The following STAG2 variants were observed in gnomAD, a reference collection of about 807,000 sequenced individuals.
STAG2 encodes cohesin subunit SA-2.
STAG2 carries 14 observed loss-of-function variants against 108.1 expected under a neutral mutation model. That is an observed-to-expected ratio of 0.13 (90% CI 0.09 to 0.20). The LOEUF is 0.20. STAG2 is among the 10% of genes least tolerant of loss of function. The probability of loss-of-function intolerance (pLI) is 1.00; values close to 1 mark genes in which losing one functional copy is unlikely to be tolerated. For synonymous variants in STAG2, 307 were observed against 302.7 expected (o/e 1.01, Z -0.15); for missense variants, 440 against 940.9 (o/e 0.47, Z 6.96).
intron 1 of STAG2, among the ~76,000 whole-genome samples, chrX:123,994,166 A>G (rs1189797867): frequency 2.7e-5 from 3 of 111,898 alleles, no homozygotes; most frequent in African/African-American, 9.8e-5. Flanking sequence ...GGGGAAGTGG[A>G]CACATTCAAA....
chrX:123,981,897 T>C (rs1232939678), intron 1 of STAG2, among the ~76,000 whole-genome samples: 1 of 111,681 alleles, frequency 9.0e-6, no homozygotes, highest in African/African-American at 3.3e-5. Flanking sequence ...GTATGTTTCA[T>C]ATAATTGTAA....
chrX:124,009,431 G>GA (rs1569501865), intron 1 of STAG2, among the ~76,000 whole-genome samples: 625 of 53,832 alleles, frequency 0.012, 5 homozygotes, highest in Middle Eastern at 0.02. Flanking sequence ...AGGTAGGTAG[G>GA]TAGGTAGGTA....
At chrX:124,074,870 G>C (rs746216253) in intron 25 of STAG2, among the ~76,000 whole-genome samples, 1 of 112,036 alleles carries the variant, frequency 8.9e-6, no homozygotes, top group African/African-American at 3.2e-5. Flanking sequence ...GAGGGAAAAT[G>C]TCTGTATGCG....
chrX:124,085,161 A>G (rs950353034), intron 29 of STAG2, among the ~76,000 whole-genome samples: 2 of 112,304 alleles, frequency 1.8e-5, no homozygotes, highest in African/African-American at 3.2e-5. Context: ...CATTGAGTAC[A>G]AACAGCAAAG....
At chrX:123,975,436 T>C (rs891145814) in intron 1 of STAG2, among the ~76,000 whole-genome samples, 16 of 111,954 alleles carry the variant, frequency 1.4e-4, no homozygotes, top group African/African-American at 3.9e-4. Context: ...AACTTGTCAA[T>C]GACAAATGGA....
At chrX:123,981,719 G>T (rs998087292) in intron 1 of STAG2, among the ~76,000 whole-genome samples, 2 of 111,314 alleles carry the variant, frequency 1.8e-5, no homozygotes, top group Non-Finnish European at 3.8e-5. Context: ...TGAGTACCTA[G>T]TATATGGCAG....
intron 1 of STAG2, among the ~76,000 whole-genome samples, chrX:124,003,093 G>C (rs940256737): frequency 1.8e-5 from 2 of 108,771 alleles, no homozygotes; most frequent in African/African-American, 6.7e-5. Flanking sequence ...TCAGCCTCCC[G>C]AGTAGCTGGG....
At chrX:124,057,774 A>C (rs2058249011) in intron 14 of STAG2, 92 bp from the exon 15 acceptor site, 1 of 516,829 alleles carries the variant, frequency 1.9e-6, no homozygotes, top group African/African-American at 2.5e-5. Flanking sequence ...CCTTTGTTAG[A>C]TCCTTAGATA....
chrX:124,050,643 A>C (rs2058010951), intron 11 of STAG2, among the ~76,000 whole-genome samples: 1 of 111,230 alleles, frequency 9.0e-6, no homozygotes. Flanking sequence ...TTAAAAAAAA[A>C]ATTATTCAAT....
rs766953377 is a variant in STAG2, at chrX:124,037,670, C to T, written c.385+47C>T. ...ATCAGCAGCTCTCAAATAGTCACTTCGTTGTTCCACCTAAAGAGATGTTGT... is the reference window on the plus strand; with the variant it reads ...ATCAGCAGCTCTCAAATAGTCACTTTGTTGTTCCACCTAAAGAGATGTTGT... On this transcript the variant is annotated intron_variant, in intron 6 of 34. Transcript: ENST00000371145. 4 of 840,446 alleles carry T rather than the reference C, an allele frequency of 4.8e-6. No individual in the cohort carries two copies. In the Admixed American group the frequency reaches 1.0e-4, roughly 21 times the overall value. The allele number at this position is 840,446 out of a possible 1,213,427, so 69.3% of individuals were successfully genotyped here.
At position 124,029,243 on chromosome X, in the gene STAG2, T is replaced by C. The variant is rs1433266665; in HGVS notation, c.124-1718T>C. 9.2e-5 allele frequency among the ~76,000 whole-genome samples: 10 copies of C among 108,467 alleles called. 1 individual carries two copies. The Admixed American group carries it at 1.0e-3, about 11-fold the overall frequency. 94.2% of individuals were successfully genotyped at this position (108,467 alleles called of 115,157 possible). On this transcript the variant is annotated intron_variant, in intron 4 of 34. Transcript: ENST00000371145. ...CGTGTTAGCCAGGATGGTCTCGATCTCCTGACCTCGTGATCCGCCCACCTT... is the reference window on the plus strand; with the variant it reads ...CGTGTTAGCCAGGATGGTCTCGATCCCCTGACCTCGTGATCCGCCCACCTT...
Position 124,057,970 on chromosome X carries a change from A to C in STAG2, c.1409A>C (p.Glu470Ala). The C allele has an allele frequency of 8.5e-7, 1 of 1,175,987 alleles. No individual in the cohort carries two copies. The change falls in exon 15 of 35, where the codon GAA becomes GCA. Residue 470 changes from glutamate (E) to alanine (A), a missense_variant. Glu to Ala is a moderately radical substitution (Grantham distance 107, BLOSUM62 -1). Coordinates refer to ENST00000371145, the MANE Select transcript of STAG2 (RefSeq NM_001042750.2). ...AAGACATTGGTTTTTTTCTTTCTAG[A>C]AAGTGAGGTTAGTTGATAGTATTTA... ...LVKTLVFFFLESELHEHAAYL... is the reference protein window; with the variant it reads ...LVKTLVFFFLASELHEHAAYL...
At chrX:123,965,480 G>A (rs1750647876) in intron 1 of STAG2, among the ~76,000 whole-genome samples, 1 of 111,698 alleles carries the variant, frequency 9.0e-6, no homozygotes, top group South Asian at 3.7e-4. Flanking sequence ...GATGGGCTTG[G>A]GGGACAGGCT....
intron 14 of STAG2, among the ~76,000 whole-genome samples, chrX:124,057,188 GAGT>G (rs2058232121): frequency 8.9e-6 from 1 of 112,265 alleles, no homozygotes; most frequent in Admixed American, 9.4e-5. Context: ...TAGGTAGTAT[GAGT>G]AGAAGTGTGA....
At chrX:124,090,186 A>AAAAT (rs1569521239) in intron 30 of STAG2, among the ~76,000 whole-genome samples, 1 of 100,085 alleles carries the variant, frequency 1.0e-5, no homozygotes, top group Non-Finnish European at 2.0e-5. Context: ...AAAAAAAAAA[A>AAAAT]GGTTTAGTCC....
intron 1 of STAG2, among the ~76,000 whole-genome samples, chrX:124,017,090 C>T (rs1421144244): frequency 9.0e-6 from 1 of 111,022 alleles, no homozygotes; most frequent in Non-Finnish European, 1.9e-5. Flanking sequence ...AAGTGTTCCC[C>T]TCCCCTGTGC....
Position 124,102,324 on chromosome X carries a change from A to G in STAG2, c.*1727A>G. The G allele has an allele frequency of 6.3e-6, 1 of 159,508 alleles. No individual in the cohort carries two copies. Among genetic ancestry groups the G allele is most frequent in the African/African-American group, 3.0e-5 (1 of 33,659 alleles). The allele number at this position is 159,508 out of a possible 1,213,427, so 13.1% of individuals were successfully genotyped here. On this transcript the variant is annotated 3_prime_UTR_variant, in exon 35 of 35. Coordinates refer to ENST00000371145, the MANE Select transcript of STAG2 (RefSeq NM_001042750.2). Reference sequence around the variant, plus strand: ...GTTGATTTTTTTTCTCACTCTTGAAAGGAGTACTTCTTTGTGAAAGCAGTT... The same window carrying G: ...GTTGATTTTTTTTCTCACTCTTGAAGGGAGTACTTCTTTGTGAAAGCAGTT...
At position 124,022,642 on chromosome X, in the gene STAG2, A is replaced by G; in HGVS notation, c.15A>G (p.Pro5=). The part of the protein sequence containing the change: MIAA[P]EIPTDFNLLQ... ...ATGATAAAGAAATGATAGCAGCTCCAGAAATACCAACTGATTTTAATCTAC... is the reference window on the plus strand; with the variant it reads ...ATGATAAAGAAATGATAGCAGCTCCGGAAATACCAACTGATTTTAATCTAC... The change falls in exon 3 of 35, where the codon CCA becomes CCG. Residue 5 remains proline, a synonymous_variant. Coordinates refer to ENST00000371145, the MANE Select transcript of STAG2 (RefSeq NM_001042750.2). 2 of 1,170,322 alleles carry G rather than the reference A, an allele frequency of 1.7e-6. No individual in the cohort carries two copies. Among genetic ancestry groups the G allele is most frequent in the Non-Finnish European group, 2.3e-6 (2 of 873,183 alleles).
intron 1 of STAG2, among the ~76,000 whole-genome samples, chrX:123,977,491 A>G (rs1285010808): frequency 9.0e-6 from 1 of 110,659 alleles, no homozygotes; most frequent in East Asian, 2.8e-4. Flanking sequence ...GTAGTTCTTC[A>G]TAAAAAGTAG....
Sources: allele counts gnomAD v4.1 joint callset (sites outside exome capture counted in the v4.1 genomes callset), GRCh38; gene constraint gnomAD v4.1.1; transcripts MANE v1.5; gene names NCBI Gene and HGNC (gene_info 2026-07-23, HGNC 2026-07-21).